CCDC63: variants seen among roughly 807,000 people sequenced by gnomAD.
CCDC63 encodes the protein coiled-coil domain-containing protein 63.
CCDC63 carries 54 observed loss-of-function variants against 63.6 expected under a neutral mutation model. The observed-to-expected ratio is 0.85, with a 90% confidence interval of 0.68 to 1.07. The LOEUF (loss-of-function observed/expected upper bound fraction) is 1.07, where lower values mean the gene tolerates loss of function less well. Ranked by LOEUF, CCDC63 falls within the 50% of genes least tolerant of loss-of-function variation. The pLI is 0.00. For missense variants in CCDC63, 637 were observed against 689.6 expected, an observed-to-expected ratio of 0.92 and a Z score of 0.86; for synonymous variants, 253 against 266.1, an observed-to-expected ratio of 0.95 and a Z score of 0.48.
intron 4 of CCDC63, among the ~76,000 whole-genome samples, chr12:110,865,102 T>C (rs2070925942): frequency 6.6e-6 from 1 of 152,160 alleles, no homozygotes. Context: ...TAGTCCTGCT[T>C]ACTCTGGAAT....
chr12:110,898,450 CAAAAAAA>C (rs758242458), intron 9 of CCDC63, among the ~76,000 whole-genome samples: 1 of 88,664 alleles, frequency 1.1e-5, no homozygotes, highest in Non-Finnish European at 2.4e-5. Flanking sequence ...ACTAAAAATA[CAAAAAAA>C]AAAAAAAAAA....
intron 4 of CCDC63, among the ~76,000 whole-genome samples, chr12:110,859,434 G>C (rs1257227123): frequency 6.6e-6 from 1 of 152,042 alleles, no homozygotes; most frequent in Non-Finnish European, 1.5e-5. Flanking sequence ...AGCCACCTGA[G>C]TAGCTGGGAT....
intron 4 of CCDC63, among the ~76,000 whole-genome samples, chr12:110,861,634 C>T (rs550112606): frequency 5.9e-5 from 9 of 151,810 alleles, no homozygotes; most frequent in South Asian, 2.1e-4. Context: ...TGCAGTGGTG[C>T]GATCTCGGCT....
intron 10 of CCDC63, among the ~76,000 whole-genome samples, chr12:110,900,285 A>G (rs2071470347): frequency 6.6e-6 from 1 of 151,140 alleles, no homozygotes; most frequent in South Asian, 2.1e-4. Context: ...TGGGAGTGGG[A>G]AGTGGAATGT....
intron 11 of CCDC63, among the ~76,000 whole-genome samples, chr12:110,905,413 G>T (rs1022912105): frequency 6.6e-6 from 1 of 152,124 alleles, no homozygotes; most frequent in African/African-American, 2.4e-5. Context: ...TCACTCTGAA[G>T]GTGGGAATCA....
rs562947094 is a variant in CCDC63, at chr12:110,853,426, G to T, written c.31G>T (p.Asp11Tyr). The T allele has an allele frequency of 6.2e-7, 1 of 1,612,320 alleles. No homozygotes were observed. Among genetic ancestry groups the T allele is most frequent in the East Asian group, 2.2e-5 (1 of 44,876 alleles). MSVLKKNRRKDSDTPQEPSEK... is the reference protein window; with the variant it reads MSVLKKNRRKYSDTPQEPSEK... Reference sequence around the variant, plus strand: ...CCAGTTGAAGAAGAACAGGAGAAAAGACTCCGACACTCCCCAGGAACCTTC... The same window carrying T: ...CCAGTTGAAGAAGAACAGGAGAAAATACTCCGACACTCCCCAGGAACCTTC... Residue 11 changes from aspartate (D) to tyrosine (Y), a missense_variant, in exon 3 of 12, where the codon GAC becomes TAC. Asp to Tyr is a radical substitution (Grantham distance 160, BLOSUM62 -3). Transcript: ENST00000308208.
At chr12:110,897,362 A>G (rs1331535918) in intron 9 of CCDC63, among the ~76,000 whole-genome samples, 1 of 151,868 alleles carries the variant, frequency 6.6e-6, no homozygotes. Context: ...CTGAGGCAGG[A>G]GGATTTCTTC....
chr12:110,891,762 C>A (rs1451698539), intron 8 of CCDC63, among the ~76,000 whole-genome samples: 2 of 151,988 alleles, frequency 1.3e-5, no homozygotes, highest in Non-Finnish European at 2.9e-5. Context: ...TAACCCAAGA[C>A]CCTCTCCCCT....
At chr12:110,864,144 A>T (rs2136662740) in intron 4 of CCDC63, among the ~76,000 whole-genome samples, 1 of 152,386 alleles carries the variant, frequency 6.6e-6, no homozygotes, top group African/African-American at 2.4e-5. Flanking sequence ...GGCTTTGAGT[A>T]GACCAGGGGT....
rs2071606957 is a variant in CCDC63, at chr12:110,907,438, G to C, written c.1654G>C (p.Val552Leu). 1 of 1,614,226 alleles carries C rather than the reference G, an allele frequency of 6.2e-7. No homozygotes were observed. The highest frequency in any genetic ancestry group is 8.5e-7 in the Non-Finnish European group (1 of 1,180,042). ...EVRGDSLPEK[V>L]DDFRSRKKVT... ...GCGCGGAGACAGCCTGCCTGAGAAGGTGGATGACTTCAGATCCAGGAAGAA... is the reference window on the plus strand; with the variant it reads ...GCGCGGAGACAGCCTGCCTGAGAAGCTGGATGACTTCAGATCCAGGAAGAA... Residue 552 changes from valine to leucine, a missense_variant, in exon 12 of 12, where the codon GTG (valine) becomes CTG (leucine). Physicochemically the swap from Val to Leu is conservative, Grantham distance 32. Transcript: ENST00000308208. This position sits in a 1 kb window ranked among gnomAD's most constrained non-coding sequence, Gnocchi z 4.4.
intron 10 of CCDC63, among the ~76,000 whole-genome samples, chr12:110,901,434 C>T (rs985054977): frequency 6.6e-6 from 1 of 151,808 alleles, no homozygotes; most frequent in African/African-American, 2.4e-5. Context: ...CGCCATGTTG[C>T]CCAGGCTGGC....
intron 4 of CCDC63, among the ~76,000 whole-genome samples, chr12:110,866,081 A>G (rs1302230540): frequency 6.6e-6 from 1 of 152,090 alleles, no homozygotes; most frequent in South Asian, 2.1e-4. Context: ...AGGTTCAAGC[A>G]ATTCTCATGC....
At chr12:110,871,785 AC>A (rs2071072447) in intron 4 of CCDC63, among the ~76,000 whole-genome samples, 1 of 152,128 alleles carries the variant, frequency 6.6e-6, no homozygotes, top group African/African-American at 2.4e-5. Context: ...GTCTCTTTCC[AC>A]AAACCACCCC....
chr12:110,846,517 T>C (rs768551782), upstream of CCDC63, among the ~76,000 whole-genome samples: 4 of 150,548 alleles, frequency 2.7e-5, no homozygotes, highest in African/African-American at 7.4e-5. Flanking sequence ...AATATCTCTT[T>C]CCCCCCCCGC....
intron 4 of CCDC63, among the ~76,000 whole-genome samples, chr12:110,864,929 G>A (rs2070922200): frequency 6.6e-6 from 1 of 152,116 alleles, no homozygotes; most frequent in African/African-American, 2.4e-5. Flanking sequence ...TTATCCTTTG[G>A]CTGGGGCAAG....
intron 9 of CCDC63, among the ~76,000 whole-genome samples, chr12:110,893,638 G>A (rs956695684): frequency 1.3e-5 from 2 of 152,150 alleles, no homozygotes; most frequent in Admixed American, 6.5e-5. Flanking sequence ...TGATCTCGTC[G>A]TTTTACAGAT....
chr12:110,901,073 T>G (rs952333809), intron 10 of CCDC63, among the ~76,000 whole-genome samples: 2 of 152,238 alleles, frequency 1.3e-5, no homozygotes, highest in African/African-American at 4.8e-5. Flanking sequence ...AGCAATGTGT[T>G]AGTGTGAACC....
chr12:110,854,948 G>A (rs2070752623), intron 3 of CCDC63, among the ~76,000 whole-genome samples: 2 of 152,072 alleles, frequency 1.3e-5, no homozygotes, highest in South Asian at 2.1e-4. Flanking sequence ...ACAGGCGTGT[G>A]CCAGCACGCC....
chr12:110,895,983 G>A (rs776386130), intron 9 of CCDC63, among the ~76,000 whole-genome samples: 1 of 152,084 alleles, frequency 6.6e-6, no homozygotes, highest in Non-Finnish European at 1.5e-5. Flanking sequence ...AAACTAGGCC[G>A]ATTATGAGGC....
Sources: allele counts gnomAD v4.1 joint callset (sites outside exome capture counted in the v4.1 genomes callset), GRCh38; gene constraint gnomAD v4.1.1; non-coding constraint Gnocchi (gnomAD v3.1); transcripts MANE v1.5; gene names NCBI Gene and HGNC (gene_info 2026-07-23, HGNC 2026-07-21).